Variants in NECAB2 observed in about 807,000 individuals in gnomAD.
The protein encoded by NECAB2 is N-terminal EF-hand calcium-binding protein 2.
A neutral mutation model predicts 51.9 loss-of-function variants in NECAB2; 68 were observed. The ratio of observed to expected loss-of-function variants is 1.31; its 90% CI spans 1.08 to 1.60. The LOEUF is 1.60. Ranked by LOEUF, NECAB2 falls within the 40% of genes most tolerant of loss-of-function variation. The pLI is 0.00. For missense variants in NECAB2, 854 were observed against 490.3 expected (o/e 1.74, Z -7.00); for synonymous variants, 329 against 203.5 (o/e 1.62, Z -5.25).
intron 9 of NECAB2, among the ~76,000 whole-genome samples, 160 bp downstream of exon 9, chr16:83,997,429 A>C (rs1393369703): frequency 1.4e-5 from 2 of 147,080 alleles, no homozygotes; most frequent in African/African-American, 5.0e-5. Flanking sequence ...CTGCCCTGGC[A>C]CAGGAGCCAC....
At chr16:83,965,381 T>G, upstream of NECAB2, 1 of 1,573,724 alleles carries the variant, frequency 6.4e-7, no homozygotes. Context: ...CCATGAGCTG[T>G]CTGCCCTGGA....
intron 6 of NECAB2, among the ~76,000 whole-genome samples, chr16:83,994,066 C>T (rs577568552): frequency 4.5e-4 from 68 of 152,292 alleles, no homozygotes; most frequent in Non-Finnish European, 6.2e-4. Context: ...GCCGTGGGGT[C>T]CTAGAATGGA....
At chr16:83,967,959 T>C (rs1455132284), upstream of NECAB2, among the ~76,000 whole-genome samples, 5 of 148,350 alleles carry the variant, frequency 3.4e-5, no homozygotes, top group African/African-American at 5.0e-5. Flanking sequence ...TATAGATGGA[T>C]TGATGGACGG....
intron 5 of NECAB2, among the ~76,000 whole-genome samples, chr16:83,984,068 T>C (rs925245266): frequency 2.1e-5 from 3 of 146,298 alleles, no homozygotes; most frequent in Non-Finnish European, 4.5e-5. Flanking sequence ...CAGTCCCAGC[T>C]CACTGCCAGC....
intron 3 of NECAB2, among the ~76,000 whole-genome samples, 183 bp downstream of exon 3, chr16:83,978,735 T>G (rs2084448354): frequency 6.6e-6 from 1 of 152,058 alleles, no homozygotes; most frequent in African/African-American, 2.4e-5. Context: ...AGATTCATAT[T>G]GCATTGGCTA....
At chr16:83,998,072 C>T (rs1380188773) in intron 9 of NECAB2, 133 bp from the exon 10 acceptor site, 5 of 767,494 alleles carry the variant, frequency 6.5e-6, no homozygotes, top group East Asian at 2.7e-5. Flanking sequence ...CTTATCCATT[C>T]ATGGGTAAGA....
chr16:83,972,082 C>T lies in NECAB2; in HGVS notation c.202-69C>T, dbSNP rs112488573. Reference sequence around the variant, plus strand: ...GGGAGAAGAGAAGGATCCCAGTATCCGGTCAGAGGCTGCAGGAAGCGCTTG... The same window carrying T: ...GGGAGAAGAGAAGGATCCCAGTATCTGGTCAGAGGCTGCAGGAAGCGCTTG... On this transcript the variant is annotated intron_variant, in intron 1 of 12. Transcript: ENST00000305202. 986 of 1,597,812 alleles carry T rather than the reference C, an allele frequency of 6.2e-4. 4 individuals carry two copies. The African/African-American group carries it at 0.012, about 19-fold the overall frequency.
chr16:83,982,236 C>G (rs1447962457), intron 5 of NECAB2, among the ~76,000 whole-genome samples: 1 of 152,186 alleles, frequency 6.6e-6, no homozygotes, highest in East Asian at 1.9e-4. Flanking sequence ...ATTAGACAGT[C>G]TCTGTTTTGC....
At chr16:83,973,477 C>T (rs1399017197) in intron 2 of NECAB2, among the ~76,000 whole-genome samples, 1 of 152,144 alleles carries the variant, frequency 6.6e-6, no homozygotes, top group South Asian at 2.1e-4. Flanking sequence ...GGAAGAAGGA[C>T]CATCAGCAGT....
In NECAB2 at chr16:84,002,597, T is replaced by C; in HGVS notation, c.*251T>C. On this transcript the variant is annotated 3_prime_UTR_variant, in exon 13 of 13. Coordinates refer to ENST00000305202, the MANE Select transcript of NECAB2 (RefSeq NM_019065.3). Reference sequence around the variant, plus strand: ...GGCGGCTTCCTGGAGCCAGCACCCCTGCCTCCTGGTCCTGGCCTCTCCCCT... The same window carrying C: ...GGCGGCTTCCTGGAGCCAGCACCCCCGCCTCCTGGTCCTGGCCTCTCCCCT... 3.5e-6 allele frequency: 2 copies of C among 579,438 alleles called. No homozygotes were observed. Among genetic ancestry groups the C allele is most frequent in the Non-Finnish European group, 3.1e-6 (1 of 325,090 alleles). The allele number at this position is 579,438 out of a possible 1,614,324, so 35.9% of individuals were successfully genotyped here. A position where few individuals can be genotyped will look rare whatever the true frequency, so the allele number is the denominator to read the frequency against.
At chr16:83,982,574 T>C (rs2084501958) in intron 5 of NECAB2, among the ~76,000 whole-genome samples, 1 of 152,150 alleles carries the variant, frequency 6.6e-6, no homozygotes. Context: ...GGAAACCACC[T>C]CCTTGAGCCT....
At chr16:83,989,126 A>G (rs185896562) in intron 5 of NECAB2, among the ~76,000 whole-genome samples, 1 of 152,282 alleles carries the variant, frequency 6.6e-6, no homozygotes, top group East Asian at 1.9e-4. Flanking sequence ...CTTTGTGTTT[A>G]AATATTTTAC....
chr16:83,997,304 A>AT (rs750348346), intron 9 of NECAB2, 35 bp downstream of exon 9: 1 of 1,613,308 alleles, frequency 6.2e-7, no homozygotes, highest in Non-Finnish European at 8.5e-7. Context: ...CTGGGACCAC[A>AT]TCCCTACCCA....
chr16:84,000,872 G>T, intron 11 of NECAB2, 71 bp downstream of exon 11: 2 of 1,500,798 alleles, frequency 1.3e-6, no homozygotes, highest in Non-Finnish European at 1.8e-6. Flanking sequence ...CCTGGAGCCA[G>T]GCATCCTTGG....
chr16:83,989,425 C>T (rs1477876769), intron 5 of NECAB2, among the ~76,000 whole-genome samples: 1 of 152,206 alleles, frequency 6.6e-6, no homozygotes, highest in African/African-American at 2.4e-5. Context: ...AGCCGTGTTT[C>T]CCATTGTGCA....
intron 9 of NECAB2, 97 bp downstream of exon 9, chr16:83,997,366 C>G (rs772387875): frequency 5.5e-5 from 81 of 1,482,510 alleles, no homozygotes; most frequent in Non-Finnish European, 7.2e-5. Context: ...CCCGCTCTCC[C>G]TGCTTGGGAC....
chr16:83,992,382 C>G (rs1027299429), intron 6 of NECAB2, among the ~76,000 whole-genome samples: 1 of 134,306 alleles, frequency 7.4e-6, no homozygotes, highest in Admixed American at 7.1e-5. Context: ...ACCCGTCCCC[C>G]CGCCCACCTC....
rs1344823489 is a variant in NECAB2, at chr16:84,001,826, C to A, written c.1042C>A (p.His348Asn). The A allele has an allele frequency of 6.2e-7, 1 of 1,614,052 alleles. No individual in the cohort carries two copies. The highest frequency in any genetic ancestry group is 1.1e-5 in the South Asian group (1 of 91,082). Residue 348 changes from histidine to asparagine, a missense_variant and splice_region_variant, in exon 12 of 13, where the codon CAC (histidine) becomes AAC (asparagine). By Grantham distance (68) the His-to-Asn change is moderately conservative. Transcript: ENST00000305202. ...CTCACACATGTCCCTGCGTCACAGG[C>A]ACCTGCAGAGCCCCCTGTGTAAGGC... is the stretch of plus-strand genomic sequence containing the variant. ...FWETEEAWKRHLQSPLCKAFR... is the reference protein window; with the variant it reads ...FWETEEAWKRNLQSPLCKAFR...
At chr16:83,990,098 C>G (rs2084603200) in intron 5 of NECAB2, among the ~76,000 whole-genome samples, 1 of 152,226 alleles carries the variant, frequency 6.6e-6, no homozygotes, top group Non-Finnish European at 1.5e-5. Flanking sequence ...GTCACTATCA[C>G]TGCCACCATC....
Sources: allele counts gnomAD v4.1 joint callset (sites outside exome capture counted in the v4.1 genomes callset), GRCh38; gene constraint gnomAD v4.1.1; transcripts MANE v1.5; gene names NCBI Gene and HGNC (gene_info 2026-07-23, HGNC 2026-07-21).